SNTG1: variants seen among roughly 807,000 people sequenced by gnomAD.
The protein encoded by SNTG1 is syntrophin gamma 1.
Under a neutral mutation model 74.7 loss-of-function variants are expected in SNTG1, and 39 were observed. That is an observed-to-expected ratio of 0.52 (90% CI 0.40 to 0.68). SNTG1 has a LOEUF of 0.68. Among genes scored for constraint, SNTG1 ranks in the 30% least tolerant of loss-of-function variants. The pLI, the probability that SNTG1 is intolerant of heterozygous loss-of-function variation, is 0.00. For missense variants in SNTG1, 685 were observed against 609.5 expected, an observed-to-expected ratio of 1.12 and a Z score of -1.30; for synonymous variants, 254 against 217.1, an observed-to-expected ratio of 1.17 and a Z score of -1.49.
At chr8:50,087,296 G>A (rs1188163565) in intron 1 of SNTG1, among the ~76,000 whole-genome samples, 2 of 152,108 alleles carry the variant, frequency 1.3e-5, no homozygotes, top group East Asian at 3.9e-4. Context: ...GGTCAAGTTT[G>A]TCTTCGATTG....
intron 13 of SNTG1, among the ~76,000 whole-genome samples, chr8:50,592,129 GC>G (rs1397528402): frequency 6.6e-6 from 1 of 152,120 alleles, no homozygotes; most frequent in African/African-American, 2.4e-5. Flanking sequence ...ACAGTTTAAT[GC>G]TTTTACAGGG....
chr8:50,494,708 G>GT (rs2093888598), intron 8 of SNTG1, among the ~76,000 whole-genome samples: 1 of 151,924 alleles, frequency 6.6e-6, no homozygotes, highest in Non-Finnish European at 1.5e-5. Flanking sequence ...ACCTAATAAT[G>GT]TATTTTACTT....
At chr8:50,312,292 G>T (rs1002732284) in intron 2 of SNTG1, among the ~76,000 whole-genome samples, 1 of 151,870 alleles carries the variant, frequency 6.6e-6, no homozygotes, top group Non-Finnish European at 1.5e-5. Flanking sequence ...TCAATTCCCC[G>T]CTAGTCTTAT....
chr8:50,011,569 T>G (rs1815797980), intron 1 of SNTG1, among the ~76,000 whole-genome samples: 1 of 152,026 alleles, frequency 6.6e-6, no homozygotes. Flanking sequence ...AATCCAGTGC[T>G]GCCAAATTCT....
intron 9 of SNTG1, among the ~76,000 whole-genome samples, chr8:50,508,813 G>A (rs1301406496): frequency 6.6e-6 from 1 of 152,066 alleles, no homozygotes; most frequent in Non-Finnish European, 1.5e-5. Flanking sequence ...GTAGATTCTG[G>A]ATATTAGCCC....
chr8:50,315,377 T>C (rs940075169), intron 2 of SNTG1, among the ~76,000 whole-genome samples: 1 of 150,088 alleles, frequency 6.7e-6, no homozygotes, highest in Non-Finnish European at 1.5e-5. Flanking sequence ...TTAGTAGCAT[T>C]CAAATTTTGT....
At chr8:50,321,211 G>C (rs1376083766) in intron 2 of SNTG1, among the ~76,000 whole-genome samples, 1 of 152,002 alleles carries the variant, frequency 6.6e-6, no homozygotes, top group African/African-American at 2.4e-5. Context: ...ATATCTGGGT[G>C]CTCCAATGTT....
At chr8:50,562,952 G>A (rs187840582) in intron 12 of SNTG1, among the ~76,000 whole-genome samples, 2 of 152,284 alleles carry the variant, frequency 1.3e-5, no homozygotes, top group Admixed American at 6.5e-5. Flanking sequence ...TCTGAGCAAG[G>A]ACTGTCTTTG....
intron 2 of SNTG1, among the ~76,000 whole-genome samples, chr8:50,211,386 C>T (rs1175733469): frequency 6.6e-6 from 1 of 152,052 alleles, no homozygotes; most frequent in African/African-American, 2.4e-5. Flanking sequence ...TTCATTTTCT[C>T]CATATAATTA....
intron 2 of SNTG1, among the ~76,000 whole-genome samples, chr8:50,195,992 G>A (rs1413139871): frequency 6.6e-6 from 1 of 152,092 alleles, no homozygotes; most frequent in African/African-American, 2.4e-5. Context: ...TAATTTTCAT[G>A]GGGATCTTTA....
chr8:50,174,960 T>G (rs2082943297), intron 2 of SNTG1, among the ~76,000 whole-genome samples: 1 of 148,192 alleles, frequency 6.7e-6, no homozygotes, highest in African/African-American at 2.5e-5. Flanking sequence ...GAACATGCGG[T>G]GTTTGGTTTT....
At chr8:49,957,548 G>A (rs944321312) in intron 1 of SNTG1, among the ~76,000 whole-genome samples, 20 of 152,196 alleles carry the variant, frequency 1.3e-4, no homozygotes, top group Admixed American at 9.2e-4. Flanking sequence ...CAGGCAGAAT[G>A]TTTGGGAAGG....
At chr8:49,934,352 C>T (rs1807869130) in intron 1 of SNTG1, among the ~76,000 whole-genome samples, 1 of 152,002 alleles carries the variant, frequency 6.6e-6, no homozygotes, top group Admixed American at 6.6e-5. Context: ...ACCCACCTAT[C>T]TACCTATCTA....
rs1340764312 is a variant in SNTG1, at chr8:50,300,737, T to C, written c.-27-93475T>C. On this transcript the variant is annotated intron_variant, in intron 2 of 18. Coordinates refer to ENST00000642720, the MANE Select transcript of SNTG1 (RefSeq NM_018967.5). ...ATTTCCTTTTAGCCTGAAGTAATTATTTTAGCATTGGTTGTAAAGCAGGTG... is the reference window on the plus strand; with the variant it reads ...ATTTCCTTTTAGCCTGAAGTAATTACTTTAGCATTGGTTGTAAAGCAGGTG... 2.6e-5 allele frequency among the ~76,000 whole-genome samples: 4 copies of C among 152,174 alleles called. No individual in the cohort carries two copies. In the East Asian group the frequency reaches 7.7e-4, roughly 29 times the overall value.
At chr8:50,376,729 T>TTATATATATA (rs375978893) in intron 2 of SNTG1, among the ~76,000 whole-genome samples, 14 of 100,598 alleles carry the variant, frequency 1.4e-4, no homozygotes, top group Admixed American at 2.4e-4. Flanking sequence ...TATTAATAAA[T>TTATATATATA]TATATATATA....
At chr8:49,996,280 T>C (rs1356503953) in intron 1 of SNTG1, among the ~76,000 whole-genome samples, 3 of 152,038 alleles carry the variant, frequency 2.0e-5, no homozygotes, top group Admixed American at 6.6e-5. Flanking sequence ...CCAAATAACT[T>C]GCATTACAAT....
intron 2 of SNTG1, among the ~76,000 whole-genome samples, chr8:50,364,227 G>C (rs1028365270): frequency 6.6e-5 from 10 of 152,102 alleles, no homozygotes; most frequent in African/African-American, 2.2e-4. Context: ...AGCCACACCC[G>C]CTGCTTAGAG....
chr8:50,024,164 T>A (rs772717785), intron 1 of SNTG1, among the ~76,000 whole-genome samples: 5 of 152,166 alleles, frequency 3.3e-5, no homozygotes, highest in Non-Finnish European at 7.4e-5. Context: ...TTTTTGCCAA[T>A]GTCTACTCTA....
chr8:50,133,622 C>T (rs1016298701), intron 1 of SNTG1, among the ~76,000 whole-genome samples: 12 of 152,274 alleles, frequency 7.9e-5, no homozygotes, highest in African/African-American at 2.9e-4. Context: ...CTGGCCCCTT[C>T]CCAGCTTCCT....
Sources: allele counts gnomAD v4.1 joint callset (sites outside exome capture counted in the v4.1 genomes callset), GRCh38; gene constraint gnomAD v4.1.1; transcripts MANE v1.5; gene names NCBI Gene and HGNC (gene_info 2026-07-23, HGNC 2026-07-21).